CDH12: variants seen among roughly 807,000 people sequenced by gnomAD.
The protein encoded by CDH12 is cadherin-12.
In CDH12, 41 loss-of-function variants were observed where a neutral mutation model predicts 74.1. The ratio of observed to expected loss-of-function variants is 0.55; its 90% CI spans 0.43 to 0.72. CDH12 has a LOEUF of 0.72. Among genes scored for constraint, CDH12 ranks in the 30% least tolerant of loss-of-function variants. CDH12 has a pLI of 0.00. For synonymous variants in CDH12, 399 were observed against 355.0 expected, an observed-to-expected ratio of 1.12 and a Z score of -1.39; for missense variants, 945 against 977.2, an observed-to-expected ratio of 0.97 and a Z score of 0.44.
intron 1 of CDH12, among the ~76,000 whole-genome samples, chr5:22,505,823 A>G (rs1264286276): frequency 1.3e-5 from 2 of 152,106 alleles, no homozygotes; most frequent in Non-Finnish European, 2.9e-5. Context: ...AATGTCCTTC[A>G]GTTGCAATTT....
chr5:21,935,029 G>A (rs913412818), intron 6 of CDH12, among the ~76,000 whole-genome samples: 3 of 151,996 alleles, frequency 2.0e-5, no homozygotes, highest in Admixed American at 6.6e-5. Context: ...TTCGTGATCC[G>A]CCCACCTCGG....
intron 1 of CDH12, among the ~76,000 whole-genome samples, chr5:22,624,864 T>G (rs545742112): frequency 3.1e-4 from 47 of 152,344 alleles, no homozygotes; most frequent in Non-Finnish European, 5.6e-4. Context: ...TGCACACGTA[T>G]GTTTATTGTG....
chr5:22,445,683 G>C (rs564381287), intron 2 of CDH12, among the ~76,000 whole-genome samples: 1 of 152,224 alleles, frequency 6.6e-6, no homozygotes, highest in Non-Finnish European at 1.5e-5. Context: ...TAAAGCTGGA[G>C]GAGAGAGAAT....
At chr5:22,375,728 C>G (rs1741492782) in intron 3 of CDH12, among the ~76,000 whole-genome samples, 1 of 151,586 alleles carries the variant, frequency 6.6e-6, no homozygotes, top group Admixed American at 6.6e-5. Flanking sequence ...AAATGCGACT[C>G]AAAACCAAAA....
intron 5 of CDH12, among the ~76,000 whole-genome samples, chr5:22,022,509 A>C (rs1738057324): frequency 6.6e-6 from 1 of 152,064 alleles, no homozygotes; most frequent in Non-Finnish European, 1.5e-5. Context: ...ATCCAGTCTC[A>C]GGTAGTTCTT....
At chr5:22,745,178 T>C (rs1745229731) in intron 1 of CDH12, among the ~76,000 whole-genome samples, 1 of 152,104 alleles carries the variant, frequency 6.6e-6, no homozygotes, top group South Asian at 2.1e-4. Flanking sequence ...CTTCAAATAC[T>C]ACCCATTGCT....
intron 3 of CDH12, among the ~76,000 whole-genome samples, chr5:22,237,639 C>T (rs145836328): frequency 6.6e-6 from 1 of 151,966 alleles, no homozygotes; most frequent in East Asian, 1.9e-4. Flanking sequence ...ATAAGTTATC[C>T]AGTTTATGGT....
At chr5:22,422,127 G>T (rs1743679021) in intron 2 of CDH12, among the ~76,000 whole-genome samples, 1 of 152,070 alleles carries the variant, frequency 6.6e-6, no homozygotes, top group African/African-American at 2.4e-5. Context: ...GAATAGGAGT[G>T]GTGAGAGAGG....
At chr5:22,459,995 A>C (rs1745436966) in intron 2 of CDH12, among the ~76,000 whole-genome samples, 1 of 152,114 alleles carries the variant, frequency 6.6e-6, no homozygotes. Flanking sequence ...TAAATAAGAA[A>C]TCACTATCTA....
chr5:21,875,849 C>T (rs1379568971), intron 6 of CDH12, among the ~76,000 whole-genome samples: 2 of 151,486 alleles, frequency 1.3e-5, no homozygotes, highest in Non-Finnish European at 2.9e-5. Flanking sequence ...ATATTTTCTC[C>T]TAAGAGAGAA....
chr5:21,780,781 C>A (rs2149895169), intron 11 of CDH12, among the ~76,000 whole-genome samples: 1 of 152,204 alleles, frequency 6.6e-6, no homozygotes, highest in Non-Finnish European at 1.5e-5. Context: ...CATATTATTT[C>A]TCAAAGATCT....
intron 1 of CDH12, among the ~76,000 whole-genome samples, chr5:22,545,628 T>C (rs1215264258): frequency 1.3e-5 from 2 of 152,238 alleles, no homozygotes; most frequent in African/African-American, 4.8e-5. Context: ...AAAATAAAAG[T>C]ATCTTCTGTA....
chr5:22,197,375 G>A (rs1204510873), intron 4 of CDH12, among the ~76,000 whole-genome samples: 1 of 152,150 alleles, frequency 6.6e-6, no homozygotes, highest in African/African-American at 2.4e-5. Context: ...GTGAACCCGG[G>A]AGGCGAGCTT....
intron 1 of CDH12, among the ~76,000 whole-genome samples, chr5:22,837,289 T>C (rs1736870362): frequency 6.6e-6 from 1 of 152,052 alleles, no homozygotes; most frequent in African/African-American, 2.4e-5. Context: ...CTGGGTGTGG[T>C]CCTAGCTCCT....
chr5:22,697,038 A>G (rs573924455), intron 1 of CDH12, among the ~76,000 whole-genome samples: 80 of 152,150 alleles, frequency 5.3e-4, no homozygotes, highest in Admixed American at 1.1e-3. Flanking sequence ...CTGGACCATA[A>G]GTTCTGAGCC....
intron 6 of CDH12, among the ~76,000 whole-genome samples, chr5:21,903,692 T>A (rs1372229187): frequency 6.6e-6 from 1 of 151,964 alleles, no homozygotes; most frequent in Non-Finnish European, 1.5e-5. Flanking sequence ...AAAATAGAAG[T>A]CTTTTCTGGA....
At chr5:21,941,995 T>C (rs183120244) in intron 6 of CDH12, among the ~76,000 whole-genome samples, 4 of 152,212 alleles carry the variant, frequency 2.6e-5, no homozygotes, top group Admixed American at 6.5e-5. Context: ...GTAGAAGCAA[T>C]TATTTAAGGA....
At chr5:22,214,909 T>A (rs2278003) in intron 3 of CDH12, among the ~76,000 whole-genome samples, 50,537 of 152,132 alleles carry the variant, frequency 0.33, 9,992 homozygotes, top group Admixed American at 0.45. Flanking sequence ...CAGTAGTTTT[T>A]TTAACCTATG....
chr5:22,850,596 A>G lies in CDH12; in HGVS notation c.-523+2462T>C, dbSNP rs180740909. Among the ~76,000 whole-genome samples, 979 of 152,240 alleles carry G rather than the reference A, an allele frequency of 6.4e-3. 10 individuals carry two copies. The highest frequency in any genetic ancestry group is 0.022 in the African/African-American group (931 of 41,572). The stretch of plus-strand genomic sequence containing the variant: ...TCAATTGGTACTAGATTATAAGCAA[A>G]ATGTTCTCTATTGATGTAATGATCA... On this transcript the variant is annotated intron_variant, in intron 1 of 14. Coordinates refer to ENST00000382254, the MANE Select transcript of CDH12 (RefSeq NM_004061.5).
Sources: gnomAD v4.1 joint callset for allele counts (sites outside exome capture counted in the v4.1 genomes callset) on GRCh38, gnomAD v4.1.1 for gene constraint, MANE v1.5 for transcripts, NCBI Gene and HGNC (gene_info 2026-07-23, HGNC 2026-07-21) for gene names.